Variants in AMMECR1 observed in about 807,000 individuals in gnomAD.
The protein encoded by AMMECR1 is AMMECR nuclear protein 1.
Under a neutral mutation model 22.5 loss-of-function variants are expected in AMMECR1, and 3 were observed. The ratio of observed to expected loss-of-function variants is 0.13; its 90% CI spans 0.06 to 0.35. The LOEUF (loss-of-function observed/expected upper bound fraction) is 0.35, where lower values mean the gene tolerates loss of function less well. AMMECR1 is among the 10% of genes least tolerant of loss of function. AMMECR1 has a pLI of 1.00. For synonymous variants in AMMECR1, 130 were observed against 116.7 expected (o/e 1.11, Z -0.74); for missense variants, 235 against 278.7 (o/e 0.84, Z 1.12).
intron 2 of AMMECR1, among the ~76,000 whole-genome samples, chrX:110,370,608 T>C (rs755929570): frequency 5.3e-4 from 60 of 112,532 alleles, no homozygotes; most frequent in African/African-American, 1.7e-3. Flanking sequence ...TTCTTAACTT[T>C]TCCTAATTTG....
intron 2 of AMMECR1, among the ~76,000 whole-genome samples, chrX:110,330,522 A>G (rs1278844605): frequency 8.9e-6 from 1 of 112,387 alleles, no homozygotes; most frequent in Non-Finnish European, 1.9e-5. Flanking sequence ...AATTTGATAA[A>G]TTAATTTTAT....
At chrX:110,380,352 A>G (rs1344373806) in intron 2 of AMMECR1, among the ~76,000 whole-genome samples, 1 of 100,122 alleles carries the variant, frequency 1.0e-5, no homozygotes, top group East Asian at 2.8e-4. Flanking sequence ...CAATAGCCAT[A>G]CAAAAAAAAT....
At chrX:110,416,799 G>A (rs1175687973) in intron 2 of AMMECR1, among the ~76,000 whole-genome samples, 1 of 112,237 alleles carries the variant, frequency 8.9e-6, no homozygotes, top group Non-Finnish European at 1.9e-5. Flanking sequence ...GACTAGCTTA[G>A]AGGCAAGGTG....
chrX:110,253,822 GACACTCTTCA>G (rs1463396796), intron 2 of AMMECR1, among the ~76,000 whole-genome samples: 1 of 111,872 alleles, frequency 8.9e-6, no homozygotes, highest in East Asian at 2.8e-4. Context: ...ATGTCACATT[GACACTCTTCA>G]AAGAGTTTGT....
At chrX:110,201,680 G>T (rs1031950024) in intron 4 of AMMECR1, among the ~76,000 whole-genome samples, 1 of 111,540 alleles carries the variant, frequency 9.0e-6, no homozygotes, top group African/African-American at 3.3e-5. Context: ...AAGACTTTCT[G>T]ATCTGGGGAT....
At chrX:110,344,804 C>T (rs2068181546) in intron 2 of AMMECR1, among the ~76,000 whole-genome samples, 1 of 111,453 alleles carries the variant, frequency 9.0e-6, no homozygotes, top group Non-Finnish European at 1.9e-5. Context: ...GATACCATCT[C>T]ACACCAGTTA....
At chrX:110,283,664 T>C (rs974995581) in intron 1 of AMMECR1, among the ~76,000 whole-genome samples, 1 of 111,807 alleles carries the variant, frequency 8.9e-6, no homozygotes, top group Admixed American at 9.5e-5. Flanking sequence ...CCCACCTTTG[T>C]GATCTAATCA....
At chrX:110,239,442 G>T (rs1016030410) in intron 2 of AMMECR1, among the ~76,000 whole-genome samples, 8 of 110,850 alleles carry the variant, frequency 7.2e-5, no homozygotes, top group Non-Finnish European at 1.3e-4. Flanking sequence ...TAGAAGAAAG[G>T]ATATCAGAGA....
rs902351276 is a variant in AMMECR1 at position 110,362,688 on chromosome X, T to G, written c.-147-44839A>C. ...ATATGATAAATGAAGTATTTACCAG[T>G]TCTTACTGACTGTTCTTTCATACTT... On this transcript the variant is annotated intron_variant, in intron 2 of 7. Coordinates refer to the AMMECR1 transcript ENST00000372057. Among the ~76,000 whole-genome samples the G allele has an allele frequency of 2.7e-5, 3 of 112,052 alleles. No homozygotes were observed. In the Admixed American group the frequency reaches 2.8e-4, roughly 11 times the overall value.
chrX:110,392,267 C>A (rs2068499034), intron 2 of AMMECR1, among the ~76,000 whole-genome samples: 1 of 106,202 alleles, frequency 9.4e-6, no homozygotes, highest in African/African-American at 3.5e-5. Context: ...AAATTTCTAC[C>A]ACAGGTTTTT....
chrX:110,225,394 A>AT (rs2067527265), intron 2 of AMMECR1, among the ~76,000 whole-genome samples: 1 of 112,056 alleles, frequency 8.9e-6, no homozygotes, highest in African/African-American at 3.2e-5. Context: ...TCATCAGCCC[A>AT]TTTTTTTCCT....
intron 2 of AMMECR1, among the ~76,000 whole-genome samples, chrX:110,348,717 T>C (rs1422752775): frequency 8.9e-6 from 1 of 112,170 alleles, no homozygotes; most frequent in East Asian, 2.8e-4. Context: ...TATAATATGG[T>C]ATAATTTATG....
Position 110,200,977 on chromosome X carries a change from G to T in AMMECR1, c.864C>A (p.Phe288Leu). The T allele has an allele frequency of 8.3e-7, 1 of 1,207,450 alleles. No homozygotes were observed. Among genetic ancestry groups the T allele is most frequent in the Non-Finnish European group, 1.1e-6 (1 of 891,975 alleles). The change falls in exon 5 of 6, where the codon TTC becomes TTA. Residue 288 changes from phenylalanine to leucine, a missense_variant. Transcript: ENST00000262844. ...ACCTGGTCAGTTTTATGGTTTTCCTGAATTCATTAGTAATCGGAGCTTTGT... is the reference window on the plus strand; with the variant it reads ...ACCTGGTCAGTTTTATGGTTTTCCTTAATTCATTAGTAATCGGAGCTTTGT... ...GGYKAPITNE[F>L]RKTIKLTRYR...
intron 2 of AMMECR1, among the ~76,000 whole-genome samples, chrX:110,335,789 A>G (rs774279329): frequency 1.7e-4 from 19 of 111,667 alleles, no homozygotes; most frequent in Non-Finnish European, 3.0e-4. Flanking sequence ...TTTGGCAAAT[A>G]CTCTTTGCGT....
intron 2 of AMMECR1, among the ~76,000 whole-genome samples, chrX:110,415,244 G>T (rs139758840): frequency 0.01 from 1,129 of 112,174 alleles, 26 homozygotes; most frequent in Admixed American, 0.072. Context: ...AGAAGAAAAA[G>T]CTCTCACTTG....
At chrX:110,383,109 A>G (rs907128197) in intron 2 of AMMECR1, among the ~76,000 whole-genome samples, 2 of 111,781 alleles carry the variant, frequency 1.8e-5, no homozygotes, top group African/African-American at 3.3e-5. Context: ...TCATCTCAGA[A>G]CCACCCCTCT....
At chrX:110,320,790 T>C (rs1397019040), upstream of AMMECR1, among the ~76,000 whole-genome samples, 1 of 112,145 alleles carries the variant, frequency 8.9e-6, no homozygotes, top group Non-Finnish European at 1.9e-5. Flanking sequence ...ATAAAGAAAA[T>C]AGACAAACAC....
intron 3 of AMMECR1, among the ~76,000 whole-genome samples, chrX:110,203,598 G>A (rs965587968): frequency 9.0e-6 from 1 of 111,435 alleles, no homozygotes; most frequent in African/African-American, 3.3e-5. Context: ...GTTGTGCAAG[G>A]TACTGGAATG....
chrX:110,247,705 C>A (rs867633612), intron 2 of AMMECR1, among the ~76,000 whole-genome samples: 81 of 106,770 alleles, frequency 7.6e-4, no homozygotes, highest in Middle Eastern at 9.7e-3. Flanking sequence ...AAAAAAAAAA[C>A]AAACAAAAAC....
Sources: gnomAD v4.1 joint callset for allele counts (sites outside exome capture counted in the v4.1 genomes callset) on GRCh38, gnomAD v4.1.1 for gene constraint, MANE v1.5 for transcripts, NCBI Gene and HGNC (gene_info 2026-07-23, HGNC 2026-07-21) for gene names.